SMAD2: variants seen among roughly 807,000 people sequenced by gnomAD.
SMAD2 encodes SMAD family member 2, also known as MAD homolog 2.
SMAD2 carries 8 observed loss-of-function variants against 64.4 expected under a neutral mutation model. The observed-to-expected ratio is 0.12, with a 90% CI of 0.07 to 0.22. The LOEUF is 0.22. SMAD2 is among the 10% of genes least tolerant of loss of function. SMAD2 has a pLI of 1.00. For missense variants in SMAD2, 289 were observed against 561.2 expected, an observed-to-expected ratio of 0.51 and a Z score of 4.90; for synonymous variants, 203 against 195.8, an observed-to-expected ratio of 1.04 and a Z score of -0.31.
rs1483302703 is a variant in SMAD2 at position 47,844,966 on chromosome 18, C to G, written c.1280+374G>C. 3 of 428,690 alleles carry G rather than the reference C, an allele frequency of 7.0e-6. No individual in the cohort carries two copies. The Admixed American group carries it at 1.2e-4, about 18-fold the overall frequency. 26.6% of individuals were successfully genotyped at this position (428,690 alleles called of 1,614,324 possible). ...TATCACTTCCCAACTCTGCCCACCCCATTTATGACTATTGAAATCCAATGC... is the reference window on the plus strand; with the variant it reads ...TATCACTTCCCAACTCTGCCCACCCGATTTATGACTATTGAAATCCAATGC... On this transcript the variant is annotated intron_variant, in intron 10 of 10. Coordinates refer to ENST00000262160, the MANE Select transcript of SMAD2 (RefSeq NM_005901.6).
Position 47,839,170 on chromosome 18 carries a change from T to C in SMAD2, c.*2657A>G, listed in dbSNP as rs981853625. 1 of 233,370 alleles carries C rather than the reference T, an allele frequency of 4.3e-6. No individual in the cohort carries two copies. Among genetic ancestry groups the C allele is most frequent in the Non-Finnish European group, 8.5e-6 (1 of 118,044 alleles). The allele number at this position is 233,370 out of a possible 1,614,324, so 14.5% of individuals were successfully genotyped here. A position where few individuals can be genotyped will look rare whatever the true frequency, so the allele number is the denominator to read the frequency against. On this transcript the variant is annotated 3_prime_UTR_variant, in exon 11 of 11. Coordinates refer to ENST00000262160, the MANE Select transcript of SMAD2 (RefSeq NM_005901.6). ...TGCTCAATAGGTGTTTTCAAAGAGTTGAGTCCCAATTTCATACTGTACAGA... is the reference window on the plus strand; with the variant it reads ...TGCTCAATAGGTGTTTTCAAAGAGTCGAGTCCCAATTTCATACTGTACAGA...
chr18:47,892,613 CTTGT>C (rs1191108136), intron 2 of SMAD2, among the ~76,000 whole-genome samples: 13 of 151,802 alleles, frequency 8.6e-5, no homozygotes, highest in African/African-American at 2.4e-4. Context: ...TTTCGCTATT[CTTGT>C]TTAATTGTGG....
At chr18:47,894,568 T>C (rs1375489360) in intron 2 of SMAD2, among the ~76,000 whole-genome samples, 1 of 152,178 alleles carries the variant, frequency 6.6e-6, no homozygotes, top group African/African-American at 2.4e-5. Flanking sequence ...CCGCACTACA[T>C]GTGATGAAAC....
At chr18:47,872,616 C>G (rs531548813) in intron 2 of SMAD2, among the ~76,000 whole-genome samples, 4 of 152,204 alleles carry the variant, frequency 2.6e-5, no homozygotes, top group African/African-American at 9.6e-5. Context: ...AGGGGAGAGA[C>G]CATTACCACC....
intron 1 of SMAD2, among the ~76,000 whole-genome samples, chr18:47,906,041 G>C (rs780760579): frequency 1.3e-5 from 2 of 152,062 alleles, no homozygotes; most frequent in South Asian, 4.2e-4. Flanking sequence ...TTGAGCACAG[G>C]GGTGCGGAGG....
In SMAD2 at chr18:47,828,552, A is replaced by G. The variant is rs1912863782; in HGVS notation, c.*13275T>C. ...TTGTTGCTGTGTCTGTGTAGAAAGA[A>G]GTAGACATAGGAGACTCCATTTTGT... is the stretch of plus-strand genomic sequence containing the variant. On this transcript the variant is annotated 3_prime_UTR_variant, in exon 11 of 11. Coordinates refer to ENST00000262160, the MANE Select transcript of SMAD2 (RefSeq NM_005901.6). The G allele has an allele frequency of 5.9e-6, 1 of 168,120 alleles. No homozygotes were observed. The highest frequency in any genetic ancestry group is 1.2e-5 in the Non-Finnish European group (1 of 80,488). The allele number at this position is 168,120 out of a possible 1,614,324, so 10.4% of individuals were successfully genotyped here. A position where few individuals can be genotyped will look rare whatever the true frequency, so the allele number is the denominator to read the frequency against.
chr18:47,899,532 G>A (rs561246126), intron 1 of SMAD2, among the ~76,000 whole-genome samples: 1 of 152,262 alleles, frequency 6.6e-6, no homozygotes, highest in African/African-American at 2.4e-5. Flanking sequence ...ACTTTTAAGT[G>A]CCAACACTAG....
At position 47,822,556 on chromosome 18, in the gene SMAD2, T is replaced by C. The variant is rs1439254777; in HGVS notation, c.*19271A>G. On this transcript the variant is annotated 3_prime_UTR_variant, in exon 11 of 11. Coordinates refer to ENST00000262160, the MANE Select transcript of SMAD2 (RefSeq NM_005901.6). ...TACTTAAATGTTTTGTTTTCCATATTTAAAGAAATTCTCTCATGCTATCTA... is the reference window on the plus strand; with the variant it reads ...TACTTAAATGTTTTGTTTTCCATATCTAAAGAAATTCTCTCATGCTATCTA... The C allele has an allele frequency of 6.6e-6, 1 of 152,260 alleles. No individual in the cohort carries two copies. Among genetic ancestry groups the C allele is most frequent in the African/African-American group, 2.4e-5 (1 of 41,458 alleles). 9.4% of individuals were successfully genotyped at this position (152,260 alleles called of 1,614,324 possible).
chr18:47,890,069 A>G (rs1468069635), intron 2 of SMAD2, among the ~76,000 whole-genome samples: 1 of 152,252 alleles, frequency 6.6e-6, no homozygotes, highest in Non-Finnish European at 1.5e-5. Flanking sequence ...AATATACCAT[A>G]TACACAAGGG....
chr18:47,847,471 C>T (rs1362207696), intron 8 of SMAD2, among the ~76,000 whole-genome samples: 2 of 151,816 alleles, frequency 1.3e-5, no homozygotes, highest in Non-Finnish European at 2.9e-5. Flanking sequence ...TTCACTTCAT[C>T]GTTAAGGAAA....
chr18:47,889,047 C>T, intron 2 of SMAD2, among the ~76,000 whole-genome samples: 1 of 150,770 alleles, frequency 6.6e-6, no homozygotes, highest in South Asian at 2.1e-4. Flanking sequence ...GAATACAGCA[C>T]AAAAACAGGA....
intron 1 of SMAD2, among the ~76,000 whole-genome samples, chr18:47,919,718 C>T (rs1381129047): frequency 6.6e-6 from 1 of 152,132 alleles, no homozygotes; most frequent in South Asian, 2.1e-4. Context: ...GGAAGCATAA[C>T]CTTCACTGAT....
At chr18:47,868,891 A>G (rs1267599719) in intron 4 of SMAD2, among the ~76,000 whole-genome samples, 1 of 152,194 alleles carries the variant, frequency 6.6e-6, no homozygotes, top group Non-Finnish European at 1.5e-5. Flanking sequence ...CATACAAATG[A>G]TGTCATTAAA....
rs888189999 is a variant in SMAD2 at position 47,848,340 on chromosome 18, A to T, written c.997+135T>A. 1.7e-5 allele frequency: 12 copies of T among 710,338 alleles called. No homozygotes were observed. In the African/African-American group the frequency reaches 1.9e-4, roughly 11 times the overall value. The allele number at this position is 710,338 out of a possible 1,614,324, so 44.0% of individuals were successfully genotyped here. A position where few individuals can be genotyped will look rare whatever the true frequency, so the allele number is the denominator to read the frequency against. On this transcript the variant is annotated intron_variant, in intron 8 of 10. Coordinates refer to ENST00000262160, the MANE Select transcript of SMAD2 (RefSeq NM_005901.6). ...TAGAAGCAGTGAAGCCTGTGCACTT[A>T]AATGTGTCGGCACTTAAACCACCAG...
In SMAD2 at chr18:47,821,244, AT is replaced by A. The variant is rs1184915161; in HGVS notation, c.*20582del. 3 of 152,298 alleles carry A rather than the reference AT, an allele frequency of 2.0e-5. No individual in the cohort carries two copies. The highest frequency in any genetic ancestry group is 2.0e-4 in the Admixed American group (3 of 15,302). The allele number at this position is 152,298 out of a possible 1,614,324, so 9.4% of individuals were successfully genotyped here. A position where few individuals can be genotyped will look rare whatever the true frequency, so the allele number is the denominator to read the frequency against. ...GCTGCACCTTATTTGTAGGTCACAC[AT>A]CATTGCCTTTAGCTCTTTCTCCCCT... On this transcript the variant is annotated 3_prime_UTR_variant, in exon 11 of 11. Coordinates refer to ENST00000262160, the MANE Select transcript of SMAD2 (RefSeq NM_005901.6).
In SMAD2 at chr18:47,885,369, T is replaced by C. The variant is rs527493610; in HGVS notation, c.236+11152A>G. ...GTTTAATAGACACAGGATTTCACTA[T>C]GTTGGCCAGGCTGGTCTCGAACTCA... On this transcript the variant is annotated intron_variant, in intron 2 of 10. Coordinates refer to ENST00000262160, the MANE Select transcript of SMAD2 (RefSeq NM_005901.6). 1.5e-4 allele frequency among the ~76,000 whole-genome samples: 23 copies of C among 152,254 alleles called. No individual in the cohort carries two copies. In the East Asian group the frequency reaches 4.5e-3, roughly 29 times the overall value.
chr18:47,925,986 C>T (rs1328244861), intron 1 of SMAD2, among the ~76,000 whole-genome samples: 1 of 152,220 alleles, frequency 6.6e-6, no homozygotes, highest in African/African-American at 2.4e-5. Flanking sequence ...GAAAAGCATA[C>T]ACTACTGTCA....
Position 47,816,897 on chromosome 18 carries a change from G to A in SMAD2, c.*24930C>T, listed in dbSNP as rs1353657325. ...TCTGCCTCAGCCTCCCAAGTAGCGGGATCATAGGCACCCACCAATACACCC... is the reference window on the plus strand; with the variant it reads ...TCTGCCTCAGCCTCCCAAGTAGCGGAATCATAGGCACCCACCAATACACCC... On this transcript the variant is annotated 3_prime_UTR_variant, in exon 11 of 11. Coordinates refer to ENST00000262160, the MANE Select transcript of SMAD2 (RefSeq NM_005901.6). 1 of 151,910 alleles carries A rather than the reference G, an allele frequency of 6.6e-6. No individual in the cohort carries two copies. The highest frequency in any genetic ancestry group is 1.5e-5 in the Non-Finnish European group (1 of 68,030). The allele number at this position is 151,910 out of a possible 1,614,324, so 9.4% of individuals were successfully genotyped here.
At chr18:47,917,409 T>A (rs907164795) in intron 1 of SMAD2, among the ~76,000 whole-genome samples, 1 of 152,260 alleles carries the variant, frequency 6.6e-6, no homozygotes, top group African/African-American at 2.4e-5. Context: ...TTGGATTTTT[T>A]AAATTTTTGT....
Sources: gnomAD v4.1 joint callset for allele counts (sites outside exome capture counted in the v4.1 genomes callset) on GRCh38, gnomAD v4.1.1 for gene constraint, MANE v1.5 for transcripts, NCBI Gene and HGNC (gene_info 2026-07-23, HGNC 2026-07-21) for gene names.